GULP1: variants seen among roughly 807,000 people sequenced by gnomAD.
GULP1 encodes GULP PTB domain containing engulfment adaptor 1.
GULP1 carries 19 observed loss-of-function variants against 40.9 expected under a neutral mutation model. That is an observed-to-expected ratio of 0.46 (90% CI 0.32 to 0.68). The LOEUF (loss-of-function observed/expected upper bound fraction) is 0.68, where lower values mean the gene tolerates loss of function less well. Among genes scored for constraint, GULP1 ranks in the 30% least tolerant of loss-of-function variants. The pLI is 0.03. For synonymous variants in GULP1, 119 were observed against 117.6 expected, an observed-to-expected ratio of 1.01 and a Z score of -0.08; for missense variants, 312 against 362.2, an observed-to-expected ratio of 0.86 and a Z score of 1.12.
At chr2:188,469,924 A>G (rs1034083059) in intron 2 of GULP1, among the ~76,000 whole-genome samples, 1 of 152,142 alleles carries the variant, frequency 6.6e-6, no homozygotes, top group Non-Finnish European at 1.5e-5. Context: ...TTCATGATGA[A>G]TGATATTTTT....
chr2:188,466,444 AT>A (rs60944877), intron 2 of GULP1: 69,733 of 118,142 alleles, frequency 0.59, 18,743 homozygotes, highest in East Asian at 0.82. Flanking sequence ...TGCCCAGCTA[AT>A]TTTTTTTTTT....
intron 2 of GULP1, among the ~76,000 whole-genome samples, chr2:188,431,055 G>A (rs2056815915): frequency 6.6e-6 from 1 of 152,056 alleles, no homozygotes; most frequent in Non-Finnish European, 1.5e-5. Flanking sequence ...TCTTTCTTCT[G>A]TAAACTCCCC....
At chr2:188,413,681 C>G (rs533047379) in intron 2 of GULP1, among the ~76,000 whole-genome samples, 25 of 152,234 alleles carry the variant, frequency 1.6e-4, no homozygotes, top group African/African-American at 6.0e-4. Context: ...TAGTTTATTT[C>G]TGCCTTGTTC....
At chr2:188,340,690 G>A (rs1405805896) in intron 1 of GULP1, among the ~76,000 whole-genome samples, 2 of 152,126 alleles carry the variant, frequency 1.3e-5, no homozygotes, top group African/African-American at 4.8e-5. Flanking sequence ...ACAGCCTTTA[G>A]CATCAGCACC....
intron 7 of GULP1, among the ~76,000 whole-genome samples, chr2:188,556,896 T>C (rs1390184478): frequency 2.0e-5 from 3 of 151,798 alleles, no homozygotes; most frequent in Non-Finnish European, 4.4e-5. Context: ...TGGTGGCGGG[T>C]GCCTGTAGTC....
chr2:188,433,480 A>T (rs985456463), intron 2 of GULP1, among the ~76,000 whole-genome samples: 1 of 152,128 alleles, frequency 6.6e-6, no homozygotes, highest in African/African-American at 2.4e-5. Flanking sequence ...CTGAATCAAA[A>T]TTAGGATCCT....
chr2:188,522,226 T>A (rs1188330046), intron 4 of GULP1, among the ~76,000 whole-genome samples: 1 of 151,810 alleles, frequency 6.6e-6, no homozygotes, highest in Non-Finnish European at 1.5e-5. Flanking sequence ...ATGAGTCTCA[T>A]AAGTGGAAAA....
intron 1 of GULP1, among the ~76,000 whole-genome samples, chr2:188,356,622 C>G (rs2045355847): frequency 6.6e-6 from 1 of 152,074 alleles, no homozygotes; most frequent in Non-Finnish European, 1.5e-5. Flanking sequence ...TCACAATGAT[C>G]TGCAGATTGA....
intron 4 of GULP1, among the ~76,000 whole-genome samples, chr2:188,488,634 C>T (rs1389979970): frequency 5.3e-5 from 8 of 151,940 alleles, no homozygotes; most frequent in African/African-American, 1.9e-4. Context: ...AACTGAAGTA[C>T]TTGCAGTGAC....
At chr2:188,587,136 C>T (rs17272841) in intron 10 of GULP1, among the ~76,000 whole-genome samples, 6,373 of 151,940 alleles carry the variant, frequency 0.042, 184 homozygotes, top group Middle Eastern at 0.099. Flanking sequence ...CATAATAGGC[C>T]GTAATCTATC....
At chr2:188,575,288 G>A (rs1699950135) in intron 9 of GULP1, among the ~76,000 whole-genome samples, 1 of 152,010 alleles carries the variant, frequency 6.6e-6, no homozygotes. Flanking sequence ...TGATATAGTT[G>A]TGATCTGCTA....
chr2:188,417,214 G>C (rs2054702748), intron 2 of GULP1, among the ~76,000 whole-genome samples: 1 of 152,176 alleles, frequency 6.6e-6, no homozygotes, highest in African/African-American at 2.4e-5. Context: ...CTTAGGACAT[G>C]ATGTGGCTGC....
At chr2:188,388,990 C>G (rs969550623) in intron 2 of GULP1, among the ~76,000 whole-genome samples, 2 of 152,100 alleles carry the variant, frequency 1.3e-5, no homozygotes, top group Admixed American at 1.3e-4. Context: ...ACAATAGAAG[C>G]TTTGTCTAGG....
chr2:188,427,700 G>A (rs553156389), intron 2 of GULP1, among the ~76,000 whole-genome samples: 2 of 152,324 alleles, frequency 1.3e-5, no homozygotes, highest in East Asian at 3.9e-4. Context: ...AGATTTCAGA[G>A]GATATATAGA....
intron 2 of GULP1, among the ~76,000 whole-genome samples, chr2:188,388,153 T>C (rs1228696133): frequency 6.6e-6 from 1 of 151,784 alleles, no homozygotes; most frequent in Admixed American, 6.6e-5. Context: ...GTCCTTGCGA[T>C]AGTTTACTGA....
intron 1 of GULP1, among the ~76,000 whole-genome samples, chr2:188,307,846 C>A (rs1189593023): frequency 6.6e-6 from 1 of 152,138 alleles, no homozygotes; most frequent in Non-Finnish European, 1.5e-5. Flanking sequence ...GATCTAATTT[C>A]ATGATTTCAT....
At chr2:188,491,612 G>T (rs1054579090) in intron 4 of GULP1, 1 of 152,052 alleles carries the variant, frequency 6.6e-6, no homozygotes, top group East Asian at 1.9e-4. Context: ...AAAGCAATTT[G>T]CCTCCAGATT....
intron 5 of GULP1, among the ~76,000 whole-genome samples, chr2:188,523,722 A>G (rs1170222504): frequency 6.6e-6 from 1 of 152,078 alleles, no homozygotes; most frequent in Non-Finnish European, 1.5e-5. Context: ...AAATGGTATT[A>G]CTTTGCTTTG....
chr2:188,551,829 C>G (rs1693533427), intron 7 of GULP1, among the ~76,000 whole-genome samples: 2 of 151,796 alleles, frequency 1.3e-5, no homozygotes, highest in African/African-American at 4.8e-5. Flanking sequence ...ACATCCTCGC[C>G]AACCTCTGTT....
Sources: gnomAD v4.1 joint callset for allele counts (sites outside exome capture counted in the v4.1 genomes callset) on GRCh38, gnomAD v4.1.1 for gene constraint, MANE v1.5 for transcripts, NCBI Gene and HGNC (gene_info 2026-07-23, HGNC 2026-07-21) for gene names.